The following HECW2 variants were observed in gnomAD, a reference collection of about 807,000 sequenced individuals.
HECW2 encodes HECT, C2 and WW domain containing E3 ubiquitin protein ligase 2, also known as E3 ubiquitin-protein ligase HECW2.
In HECW2, 61 loss-of-function variants were observed where a neutral mutation model predicts 175.2. The observed-to-expected ratio is 0.35, with a 90% confidence interval of 0.28 to 0.43. The LOEUF (loss-of-function observed/expected upper bound fraction) is 0.43, where lower values mean the gene tolerates loss of function less well. Among genes scored for constraint, HECW2 ranks in the 20% least tolerant of loss-of-function variants. HECW2 has a pLI of 1.00. For missense variants in HECW2, 1,524 were observed against 2,000.5 expected, an observed-to-expected ratio of 0.76 and a Z score of 4.54; for synonymous variants, 671 against 731.0, an observed-to-expected ratio of 0.92 and a Z score of 1.32.
intron 24 of HECW2, 40 bp from the exon 25 acceptor site, chr2:196,220,981 C>T (rs1238018340): frequency 1.2e-6 from 2 of 1,602,578 alleles, no homozygotes; most frequent in African/African-American, 1.3e-5. Context: ...CAAAGCAATA[C>T]TCTTAATGTT....
chr2:196,568,808 C>T (rs949653843), intron 1 of HECW2, among the ~76,000 whole-genome samples: 1 of 152,140 alleles, frequency 6.6e-6, no homozygotes, highest in Non-Finnish European at 1.5e-5. Flanking sequence ...AGTATAGATA[C>T]TCCAGGGTCC....
intron 22 of HECW2, among the ~76,000 whole-genome samples, chr2:196,227,856 C>T (rs1188884487): frequency 6.6e-6 from 1 of 152,174 alleles, no homozygotes; most frequent in Non-Finnish European, 1.5e-5. Context: ...TTGAATTCTA[C>T]CCAACTCACT....
chr2:196,227,536 A>C (rs1687896448), intron 22 of HECW2, among the ~76,000 whole-genome samples: 1 of 142,556 alleles, frequency 7.0e-6, no homozygotes, highest in African/African-American at 2.5e-5. Context: ...ACTGCTTGTG[A>C]CTCCCCACTC....
At chr2:196,465,655 G>A (rs187802438) in intron 1 of HECW2, among the ~76,000 whole-genome samples, 5 of 151,210 alleles carry the variant, frequency 3.3e-5, no homozygotes, top group African/African-American at 9.7e-5. Context: ...AAATTCCTGT[G>A]CTTATATTAA....
At chr2:196,576,562 G>A (rs548239099) in intron 1 of HECW2, among the ~76,000 whole-genome samples, 1 of 152,246 alleles carries the variant, frequency 6.6e-6, no homozygotes, top group East Asian at 1.9e-4. Context: ...GGAAGGTGGG[G>A]AAAATGGGGA....
intron 1 of HECW2, among the ~76,000 whole-genome samples, chr2:196,530,732 T>A (rs1027094943): frequency 6.6e-6 from 1 of 152,224 alleles, no homozygotes; most frequent in African/African-American, 2.4e-5. Flanking sequence ...CTTACTGGCA[T>A]TGCAAGGACC....
rs141304050 is a variant in HECW2, at chr2:196,391,091, C to T, written c.292+42041G>A. On this transcript the variant is annotated intron_variant, in intron 2 of 28. Coordinates refer to ENST00000644978, the MANE Select transcript of HECW2 (RefSeq NM_001348768.2). ...AAGTGGATTTAGTCAACAGGGAGCA[C>T]CAGCAAGAGACAGGAGGCAGGGAGG... is the stretch of plus-strand genomic sequence containing the variant. Among the ~76,000 whole-genome samples the T allele has an allele frequency of 2.0e-3, 300 of 152,184 alleles. 1 individual carries two copies. The highest frequency in any genetic ancestry group is 6.8e-3 in the African/African-American group (284 of 41,536).
chr2:196,258,265 G>A (rs56257020), intron 17 of HECW2, among the ~76,000 whole-genome samples: 5,612 of 152,212 alleles, frequency 0.037, 146 homozygotes, highest in Middle Eastern at 0.058. Context: ...ATAGTCTTAC[G>A]CTGATGCCCT....
At chr2:196,276,423 G>A (rs962162002) in intron 15 of HECW2, among the ~76,000 whole-genome samples, 1 of 152,204 alleles carries the variant, frequency 6.6e-6, no homozygotes. Context: ...AGGTAGAGGG[G>A]TTGAAAGAAA....
At chr2:196,358,291 G>A (rs1693453286) in intron 2 of HECW2, among the ~76,000 whole-genome samples, 2 of 151,910 alleles carry the variant, frequency 1.3e-5, no homozygotes, top group Admixed American at 6.6e-5. Context: ...AACCTATTTC[G>A]GACCGGGCAC....
intron 1 of HECW2, among the ~76,000 whole-genome samples, chr2:196,502,100 T>C (rs1389517051): frequency 6.6e-6 from 1 of 152,244 alleles, no homozygotes; most frequent in Non-Finnish European, 1.5e-5. Context: ...TGTAAAATGA[T>C]TTCAAAATAG....
intron 14 of HECW2, among the ~76,000 whole-genome samples, chr2:196,283,529 C>T (rs976431918): frequency 1.1e-4 from 16 of 151,780 alleles, no homozygotes; most frequent in African/African-American, 3.6e-4. Flanking sequence ...GCACGCACCA[C>T]CACGCTACCA....
intron 3 of HECW2, among the ~76,000 whole-genome samples, chr2:196,338,700 T>G (rs1692640962): frequency 6.6e-6 from 1 of 152,206 alleles, no homozygotes; most frequent in African/African-American, 2.4e-5. Context: ...AAGTTGAATA[T>G]TTGAAGCATA....
intron 23 of HECW2, among the ~76,000 whole-genome samples, chr2:196,223,186 G>A (rs909855748): frequency 1.3e-5 from 2 of 152,152 alleles, no homozygotes; most frequent in African/African-American, 4.8e-5. Flanking sequence ...GGGGAGCCAA[G>A]TACACAAACA....
intron 1 of HECW2, among the ~76,000 whole-genome samples, chr2:196,506,059 T>C (rs1687750736): frequency 6.6e-6 from 1 of 152,068 alleles, no homozygotes; most frequent in African/African-American, 2.4e-5. Context: ...AAGCAAAAAG[T>C]AACTGGCCAG....
chr2:196,526,519 G>C (rs1300205235), intron 1 of HECW2, among the ~76,000 whole-genome samples: 1 of 152,088 alleles, frequency 6.6e-6, no homozygotes, highest in African/African-American at 2.4e-5. Flanking sequence ...CATTGCTGGT[G>C]AGGAATTGTG....
intron 2 of HECW2, among the ~76,000 whole-genome samples, chr2:196,402,268 A>G (rs1315340647): frequency 6.6e-6 from 1 of 151,998 alleles, no homozygotes; most frequent in Non-Finnish European, 1.5e-5. Context: ...GAAAAAAGAA[A>G]TGACAAGCTT....
At chr2:196,427,204 G>A (rs907403551) in intron 2 of HECW2, among the ~76,000 whole-genome samples, 6 of 152,162 alleles carry the variant, frequency 3.9e-5, no homozygotes, top group African/African-American at 1.4e-4. Context: ...ACATTTTGGA[G>A]AGAGCACCTT....
chr2:196,565,424 A>T (rs191871496), intron 1 of HECW2, among the ~76,000 whole-genome samples: 4 of 152,342 alleles, frequency 2.6e-5, no homozygotes, highest in Non-Finnish European at 4.4e-5. Flanking sequence ...TTAAAAAAAA[A>T]TTTAACTTGA....
Sources: gnomAD v4.1 joint callset for allele counts (sites outside exome capture counted in the v4.1 genomes callset) on GRCh38, gnomAD v4.1.1 for gene constraint, MANE v1.5 for transcripts, NCBI Gene and HGNC (gene_info 2026-07-23, HGNC 2026-07-21) for gene names.